IL1RAPL2: variants seen among roughly 807,000 people sequenced by gnomAD.
IL1RAPL2 encodes interleukin 1 receptor accessory protein like 2.
In IL1RAPL2, 3 loss-of-function variants were observed where a neutral mutation model predicts 44.1. That is an observed-to-expected ratio of 0.07 (90% CI 0.03 to 0.18). The LOEUF (loss-of-function observed/expected upper bound fraction) is 0.18, where lower values mean the gene tolerates loss of function less well. Ranked by LOEUF, IL1RAPL2 falls within the 10% of genes least tolerant of loss-of-function variation. The pLI, the probability that IL1RAPL2 is intolerant of heterozygous loss-of-function variation, is 1.00. For missense variants in IL1RAPL2, 391 were observed against 496.4 expected (o/e 0.79, Z 2.02); for synonymous variants, 181 against 178.8 (o/e 1.01, Z -0.10).
intron 6 of IL1RAPL2, among the ~76,000 whole-genome samples, chrX:105,625,551 A>G (rs1425321752): frequency 8.9e-6 from 1 of 112,151 alleles, no homozygotes; most frequent in East Asian, 2.8e-4. Context: ...CTTGCATTTT[A>G]TCTTCTAACT....
At chrX:104,694,523 G>C (rs1451060064) in intron 2 of IL1RAPL2, among the ~76,000 whole-genome samples, 1 of 111,970 alleles carries the variant, frequency 8.9e-6, no homozygotes, top group Non-Finnish European at 1.9e-5. Flanking sequence ...AGATGGGAGA[G>C]AGATTTTGAC....
intron 2 of IL1RAPL2, among the ~76,000 whole-genome samples, chrX:104,740,111 C>G (rs1205295502): frequency 9.0e-6 from 1 of 110,967 alleles, no homozygotes; most frequent in Non-Finnish European, 1.9e-5. Flanking sequence ...ACATTTTTTT[C>G]CTCCCTCGAT....
chrX:104,855,984 T>C (rs1461843793), intron 2 of IL1RAPL2, among the ~76,000 whole-genome samples: 1 of 110,547 alleles, frequency 9.0e-6, no homozygotes, highest in East Asian at 2.9e-4. Context: ...ACCTAATTAT[T>C]GATAATGAGG....
chrX:104,738,628 G>A (rs1932054218), intron 2 of IL1RAPL2, among the ~76,000 whole-genome samples: 1 of 111,384 alleles, frequency 9.0e-6, no homozygotes, highest in Non-Finnish European at 1.9e-5. Flanking sequence ...CTAGAATTAG[G>A]TATCTGGCTT....
intron 4 of IL1RAPL2, among the ~76,000 whole-genome samples, chrX:105,254,306 T>G (rs1312421682): frequency 1.8e-5 from 2 of 112,262 alleles, no homozygotes; most frequent in Non-Finnish European, 3.8e-5. Context: ...TGATCAGTGA[T>G]GTCGAGCATT....
chrX:105,693,799 T>C (rs1040842486), intron 6 of IL1RAPL2, among the ~76,000 whole-genome samples: 1 of 110,957 alleles, frequency 9.0e-6, no homozygotes, highest in Non-Finnish European at 1.9e-5. Context: ...GAGAGAGATT[T>C]AAATATGCTA....
intron 2 of IL1RAPL2, among the ~76,000 whole-genome samples, chrX:105,066,765 C>A (rs2032142108): frequency 9.0e-6 from 1 of 111,659 alleles, no homozygotes; most frequent in Admixed American, 9.5e-5. Flanking sequence ...CAGAGTATAA[C>A]AAATAGCATC....
At chrX:104,951,013 G>A (rs1028109200) in intron 2 of IL1RAPL2, among the ~76,000 whole-genome samples, 5 of 112,138 alleles carry the variant, frequency 4.5e-5, no homozygotes, top group African/African-American at 1.6e-4. Flanking sequence ...TCCCGAGTGA[G>A]GCAATGCCTC....
intron 2 of IL1RAPL2, among the ~76,000 whole-genome samples, chrX:105,181,894 C>G (rs1245883611): frequency 9.2e-6 from 1 of 108,604 alleles, no homozygotes; most frequent in Admixed American, 9.9e-5. Flanking sequence ...GAAACCCCGT[C>G]TCTACTAAAA....
chrX:105,541,988 ACT>A (rs1444549051), intron 6 of IL1RAPL2, among the ~76,000 whole-genome samples: 1 of 110,495 alleles, frequency 9.1e-6, no homozygotes. Flanking sequence ...CTCCCTGCAC[ACT>A]CTTTCCTCTG....
intron 6 of IL1RAPL2, among the ~76,000 whole-genome samples, chrX:105,516,855 C>T (rs1424581258): frequency 9.0e-6 from 1 of 111,684 alleles, no homozygotes; most frequent in Non-Finnish European, 1.9e-5. Context: ...AAATAAAGTG[C>T]ATAGTGAGTA....
At chrX:105,645,425 G>C (rs2037598701) in intron 6 of IL1RAPL2, among the ~76,000 whole-genome samples, 1 of 112,064 alleles carries the variant, frequency 8.9e-6, no homozygotes, top group South Asian at 3.7e-4. Flanking sequence ...TTTGATAGCA[G>C]GGACCATGTC....
At chrX:105,679,816 A>ATTAT (rs1430076718) in intron 6 of IL1RAPL2, among the ~76,000 whole-genome samples, 1 of 111,728 alleles carries the variant, frequency 9.0e-6, no homozygotes, top group East Asian at 2.8e-4. Context: ...ACTGGACCTA[A>ATTAT]TTATTTATGA....
intron 1 of IL1RAPL2, among the ~76,000 whole-genome samples, chrX:104,605,984 C>T (rs1032737005): frequency 9.0e-6 from 1 of 111,726 alleles, no homozygotes; most frequent in African/African-American, 3.3e-5. Flanking sequence ...CCAGCATCAT[C>T]CTGATACCAA....
intron 2 of IL1RAPL2, among the ~76,000 whole-genome samples, chrX:105,004,622 T>G (rs769749364): frequency 1.8e-5 from 2 of 110,923 alleles, no homozygotes; most frequent in South Asian, 7.6e-4. Flanking sequence ...TTGAGGAGTA[T>G]GTACCTTACA....
At chrX:105,283,827 G>T (rs1054686125) in intron 5 of IL1RAPL2, among the ~76,000 whole-genome samples, 2 of 111,063 alleles carry the variant, frequency 1.8e-5, no homozygotes, top group African/African-American at 3.3e-5. Context: ...ACTAAATTGT[G>T]TGGGGCAATT....
At chrX:104,699,540 G>A (rs750041800) in intron 2 of IL1RAPL2, among the ~76,000 whole-genome samples, 4 of 111,615 alleles carry the variant, frequency 3.6e-5, no homozygotes, top group African/African-American at 1.3e-4. Flanking sequence ...ATGAAGCTTC[G>A]CTCGCTTGCC....
At chrX:104,984,298 A>G (rs986708224) in intron 2 of IL1RAPL2, among the ~76,000 whole-genome samples, 4 of 111,594 alleles carry the variant, frequency 3.6e-5, no homozygotes, top group African/African-American at 1.3e-4. Flanking sequence ...ACAAAAAAGT[A>G]CTTTTGAGAA....
In IL1RAPL2 at chrX:105,274,185, TA is replaced by T. The variant is rs1201586731; in HGVS notation, c.697+6651del. On this transcript the variant is annotated intron_variant, in intron 5 of 10. Coordinates refer to ENST00000372582, the MANE Select transcript of IL1RAPL2 (RefSeq NM_017416.2). ...TTCCCTATTAGAATTTAGATATCCA[TA>T]AAAAAAGCACACTTGGCATTTTGAA... Among the ~76,000 whole-genome samples the T allele has an allele frequency of 2.7e-5, 3 of 111,933 alleles. 1 individual carries two copies. The South Asian group carries it at 1.1e-3, about 41-fold the overall frequency.
Sources: gnomAD v4.1 joint callset for allele counts (sites outside exome capture counted in the v4.1 genomes callset) on GRCh38, gnomAD v4.1.1 for gene constraint, MANE v1.5 for transcripts, NCBI Gene and HGNC (gene_info 2026-07-23, HGNC 2026-07-21) for gene names.